The following MCTP2 variants were observed in gnomAD, a reference collection of about 807,000 sequenced individuals.
The protein encoded by MCTP2 is multiple C2 and transmembrane domain-containing protein 2.
Under a neutral mutation model 111.6 loss-of-function variants are expected in MCTP2, and 132 were observed. The observed-to-expected ratio is 1.18, with a 90% CI of 1.03 to 1.37. MCTP2 has a LOEUF of 1.37. MCTP2 is among the 40% of genes most tolerant of loss of function. The pLI is 0.00. For missense variants in MCTP2, 1,183 were observed against 1,067.9 expected (o/e 1.11, Z -1.50); for synonymous variants, 395 against 387.7 (o/e 1.02, Z -0.22).
rs568503283 is a variant in MCTP2, at chr15:94,268,894, A to G, written c.-65-29307A>G. 4.6e-5 allele frequency among the ~76,000 whole-genome samples: 7 copies of G among 151,956 alleles called. No homozygotes were observed. In the South Asian group the frequency reaches 1.2e-3, roughly 27 times the overall value. On this transcript the variant is annotated intron_variant, in intron 1 of 22. Coordinates refer to ENST00000357742, the MANE Select transcript of MCTP2 (RefSeq NM_001385001.1). Reference sequence around the variant, plus strand: ...TATTGGTAGTTTTTAGGACCTAAGGAAAGCATGTTTGCCAGATTTCCACTT... The same window carrying G: ...TATTGGTAGTTTTTAGGACCTAAGGGAAGCATGTTTGCCAGATTTCCACTT...
chr15:94,351,381 A>C (rs2078293878), intron 8 of MCTP2, among the ~76,000 whole-genome samples: 2 of 152,242 alleles, frequency 1.3e-5, no homozygotes, highest in African/African-American at 4.8e-5. Flanking sequence ...ATGTTGAAAA[A>C]GCTTGAAAGG....
chr15:94,404,259 G>A (rs2081774960), intron 17 of MCTP2, among the ~76,000 whole-genome samples: 1 of 151,552 alleles, frequency 6.6e-6, no homozygotes, highest in African/African-American at 2.4e-5. Flanking sequence ...GCTTTCTTGA[G>A]ACAGAATAAT....
chr15:94,449,722 TTAA>T (rs532659357), intron 19 of MCTP2, among the ~76,000 whole-genome samples: 43 of 152,326 alleles, frequency 2.8e-4, no homozygotes, highest in African/African-American at 7.7e-4. Context: ...GAGCTGAATC[TTAA>T]TAATGATTTT....
At chr15:94,464,829 G>C (rs1008264115) in intron 20 of MCTP2, among the ~76,000 whole-genome samples, 2 of 151,826 alleles carry the variant, frequency 1.3e-5, no homozygotes, top group Non-Finnish European at 1.5e-5. Context: ...TTATCTTTTC[G>C]TTTCTGATTT....
At chr15:94,299,283 G>T (rs2075481794) in intron 2 of MCTP2, among the ~76,000 whole-genome samples, 1 of 151,866 alleles carries the variant, frequency 6.6e-6, no homozygotes, top group African/African-American at 2.4e-5. Context: ...TCCTGGCAAA[G>T]AAATTAAGTA....
chr15:94,399,759 A>G (rs922898403), intron 15 of MCTP2, 162 bp from the exon 16 acceptor site: 3 of 619,780 alleles, frequency 4.8e-6, no homozygotes, highest in Non-Finnish European at 8.7e-6. Flanking sequence ...TGAGACCTCC[A>G]GAAACATGTA....
intron 18 of MCTP2, among the ~76,000 whole-genome samples, chr15:94,441,300 A>G (rs1426516227): frequency 2.6e-5 from 4 of 152,230 alleles, no homozygotes; most frequent in Non-Finnish European, 4.4e-5. Flanking sequence ...ATTTAATGCA[A>G]TAGGCATGAA....
chr15:94,467,457 TTATTTTA>T (rs1250975126), intron 20 of MCTP2, among the ~76,000 whole-genome samples: 2 of 142,900 alleles, frequency 1.4e-5, no homozygotes, highest in Admixed American at 7.1e-5. Context: ...TATAAAGTCT[TTATTTTA>T]TATATGTACA....
intron 20 of MCTP2, among the ~76,000 whole-genome samples, chr15:94,465,809 T>TTGAAACACTCTTGCTATTC (rs2073230280): frequency 7.7e-6 from 1 of 129,690 alleles, no homozygotes; most frequent in Non-Finnish European, 1.7e-5. Flanking sequence ...TTGCTAGGAA[T>TTGAAACACTCTTGCTATTC]TGAAACACTC....
At chr15:94,394,776 A>G (rs941784947) in intron 14 of MCTP2, among the ~76,000 whole-genome samples, 5 of 152,202 alleles carry the variant, frequency 3.3e-5, no homozygotes, top group Non-Finnish European at 5.9e-5. Context: ...AAGAAAGAAA[A>G]AAAAAAGTTA....
chr15:94,390,049 CATATATATATATATATATAT>C (rs1169783409), intron 14 of MCTP2, among the ~76,000 whole-genome samples: 35 of 109,668 alleles, frequency 3.2e-4, no homozygotes, highest in African/African-American at 1.2e-3. Context: ...ATGTTCAAGG[CATATATATATATATATATAT>C]ATATATATAT....
At chr15:94,327,046 A>G (rs2152384630) in intron 4 of MCTP2, among the ~76,000 whole-genome samples, 1 of 152,180 alleles carries the variant, frequency 6.6e-6, no homozygotes, top group East Asian at 1.9e-4. Flanking sequence ...GCATGTTCAC[A>G]TGCATTTTTT....
rs1220448296 is a variant in MCTP2 at position 94,398,958 on chromosome 15, CAG to C, written c.1789-1_1789del. 1.3e-6 allele frequency: 2 copies of C among 1,511,570 alleles called. No homozygotes were observed. The highest frequency in any genetic ancestry group is 1.8e-6 in the Non-Finnish European group (2 of 1,090,584). The allele number at this position is 1,511,570 out of a possible 1,614,324, so 93.6% of individuals were successfully genotyped here. Reference sequence around the variant, plus strand: ...TGTGTATTTTGTCTTTTGTTTGTGACAGATTAGAGATGGACAACCGAATTGTT... The same window carrying C: ...TGTGTATTTTGTCTTTTGTTTGTGACATTAGAGATGGACAACCGAATTGTT... On this transcript the variant is annotated splice_acceptor_variant, in intron 14 of 22. Coordinates refer to ENST00000357742, the MANE Select transcript of MCTP2 (RefSeq NM_001385001.1). LOFTEE classifies it high-confidence loss of function.
chr15:94,399,074 T>C lies in MCTP2; in HGVS notation c.1890+12T>C. 7.5e-7 allele frequency: 1 copy of C among 1,328,038 alleles called. No individual in the cohort carries two copies. The highest frequency in any genetic ancestry group is 1.1e-6 in the Non-Finnish European group (1 of 922,982). 82.3% of individuals were successfully genotyped at this position (1,328,038 alleles called of 1,614,324 possible). A position where few individuals can be genotyped will look rare whatever the true frequency, so the allele number is the denominator to read the frequency against. ...TTATATATAATCCGGTAAGTCTAGCTGGGTCATACTTCCCGGCTTTCCCGT... is the reference window on the plus strand; with the variant it reads ...TTATATATAATCCGGTAAGTCTAGCCGGGTCATACTTCCCGGCTTTCCCGT... On this transcript the variant is annotated intron_variant, in intron 15 of 22. Coordinates refer to ENST00000357742, the MANE Select transcript of MCTP2 (RefSeq NM_001385001.1).
At chr15:94,314,435 C>CAA (rs2076288990) in intron 3 of MCTP2, 91 bp downstream of exon 3, 8 of 787,066 alleles carry the variant, frequency 1.0e-5, no homozygotes, top group South Asian at 4.3e-5. Context: ...TCTTTTATTG[C>CAA]TAAAAAAAAA....
At chr15:94,468,034 T>TAA (rs2073548519) in intron 20 of MCTP2, among the ~76,000 whole-genome samples, 4 of 152,162 alleles carry the variant, frequency 2.6e-5, no homozygotes, top group Non-Finnish European at 2.9e-5. Context: ...GAAAAACTGA[T>TAA]AAATTTGTTC....
chr15:94,399,210 T>C (rs887634236), intron 15 of MCTP2, 148 bp downstream of exon 15: 6 of 571,606 alleles, frequency 1.0e-5, no homozygotes, highest in African/African-American at 9.4e-5. Flanking sequence ...GTGCATTTTA[T>C]AAGCAGGTTA....
chr15:94,363,083 A>C (rs551585516), intron 10 of MCTP2, among the ~76,000 whole-genome samples: 1 of 152,328 alleles, frequency 6.6e-6, no homozygotes, highest in East Asian at 1.9e-4. Context: ...AGAGGCTGCA[A>C]AAGATTTAGT....
chr15:94,260,795 A>G (rs1428568915), intron 1 of MCTP2, among the ~76,000 whole-genome samples: 1 of 152,156 alleles, frequency 6.6e-6, no homozygotes, highest in Non-Finnish European at 1.5e-5. Context: ...ACGGCATTCC[A>G]ACGTTAACCT....
Sources: allele counts gnomAD v4.1 joint callset (sites outside exome capture counted in the v4.1 genomes callset), GRCh38; gene constraint gnomAD v4.1.1; transcripts MANE v1.5; gene names NCBI Gene and HGNC (gene_info 2026-07-23, HGNC 2026-07-21).